Variants in PKHD1 observed in about 807,000 individuals in gnomAD.
PKHD1 encodes PKHD1 ciliary IPT domain containing fibrocystin/polyductin.
PKHD1 carries 291 observed loss-of-function variants against 412.0 expected under a neutral mutation model. The observed-to-expected ratio is 0.71, with a 90% CI of 0.64 to 0.78. The LOEUF (loss-of-function observed/expected upper bound fraction) is 0.78. PKHD1 is among the 30% of genes least tolerant of loss of function. PKHD1 has a pLI of 0.00. For synonymous variants in PKHD1, 1,777 were observed against 1,821.5 expected, an observed-to-expected ratio of 0.98 and a Z score of 0.62; for missense variants, 4,825 against 4,950.7, an observed-to-expected ratio of 0.97 and a Z score of 0.76.
At chr6:51,981,917 G>A (rs1466802087) in intron 35 of PKHD1, among the ~76,000 whole-genome samples, 2 of 90,856 alleles carry the variant, frequency 2.2e-5, no homozygotes, top group African/African-American at 6.1e-5. Flanking sequence ...AGTGAGGAGC[G>A]TCTCTGCCCG....
intron 35 of PKHD1, among the ~76,000 whole-genome samples, chr6:52,009,672 C>T (rs1191096337): frequency 1.3e-5 from 2 of 152,076 alleles, no homozygotes; most frequent in African/African-American, 2.4e-5. Flanking sequence ...TTGCAATTCT[C>T]GCAAATTCCC....
At chr6:51,749,103 A>T (rs1294210452) in intron 57 of PKHD1, among the ~76,000 whole-genome samples, 1 of 152,236 alleles carries the variant, frequency 6.6e-6, no homozygotes, top group Non-Finnish European at 1.5e-5. Context: ...TCCCAAGAAG[A>T]CACTGCACAA....
At chr6:52,057,631 G>T (rs1224597892) in intron 16 of PKHD1, among the ~76,000 whole-genome samples, 1 of 152,152 alleles carries the variant, frequency 6.6e-6, no homozygotes, top group African/African-American at 2.4e-5. Context: ...TGGCCAGGAT[G>T]GTCTCGATCA....
intron 35 of PKHD1, among the ~76,000 whole-genome samples, chr6:51,997,345 C>T (rs1189476809): frequency 6.6e-6 from 1 of 152,178 alleles, no homozygotes; most frequent in Non-Finnish European, 1.5e-5. Context: ...GCCAGTATAA[C>T]ATCTTTATCA....
At chr6:52,049,696 G>A (rs1020166152) in intron 22 of PKHD1, among the ~76,000 whole-genome samples, 2 of 152,174 alleles carry the variant, frequency 1.3e-5, no homozygotes, top group Admixed American at 1.3e-4. Flanking sequence ...CTGGTGGTGA[G>A]TTCTTAGAAA....
intron 49 of PKHD1, among the ~76,000 whole-genome samples, chr6:51,854,337 C>T (rs750846581): frequency 1.1e-4 from 17 of 152,074 alleles, no homozygotes; most frequent in Admixed American, 6.5e-4. Flanking sequence ...GGGGCACCAA[C>T]CTGATGCCAG....
At position 51,963,406 on chromosome 6, in the gene PKHD1, G is replaced by C. The variant is rs1403512044; in HGVS notation, c.5752-3380C>G. 2.0e-5 allele frequency among the ~76,000 whole-genome samples: 3 copies of C among 152,074 alleles called. No homozygotes were observed. The East Asian group carries it at 5.8e-4, about 29-fold the overall frequency. On this transcript the variant is annotated intron_variant, in intron 35 of 66. Coordinates refer to ENST00000371117, the MANE Select transcript of PKHD1 (RefSeq NM_138694.4). Reference sequence around the variant, plus strand: ...CCTTAGCATAACAAAGATATCTTGAGATGTATAAATGTTTATTGATGTACT... The same window carrying C: ...CCTTAGCATAACAAAGATATCTTGACATGTATAAATGTTTATTGATGTACT...
At chr6:52,013,983 C>T (rs976107186) in intron 34 of PKHD1, among the ~76,000 whole-genome samples, 1 of 152,242 alleles carries the variant, frequency 6.6e-6, no homozygotes, top group African/African-American at 2.4e-5. Flanking sequence ...ACTAAGCACA[C>T]TGCATCAGAA....
chr6:51,843,054 C>A (rs558330493), intron 50 of PKHD1, among the ~76,000 whole-genome samples: 1 of 152,300 alleles, frequency 6.6e-6, no homozygotes, highest in South Asian at 2.1e-4. Flanking sequence ...TTTTGATATG[C>A]TACATGCTCA....
chr6:51,879,049 A>G (rs1287064092), intron 46 of PKHD1, among the ~76,000 whole-genome samples: 4 of 89,230 alleles, frequency 4.5e-5, no homozygotes, highest in African/African-American at 1.0e-4. Flanking sequence ...TAGGAATCCA[A>G]CTTACAAGGG....
At chr6:51,831,699 G>A (rs1302921863) in intron 51 of PKHD1, among the ~76,000 whole-genome samples, 2 of 152,094 alleles carry the variant, frequency 1.3e-5, no homozygotes, top group East Asian at 3.9e-4. Context: ...TTAAAGGCGG[G>A]GTAATAATCT....
chr6:51,736,135 T>A (rs905457265), intron 60 of PKHD1, among the ~76,000 whole-genome samples: 1 of 152,056 alleles, frequency 6.6e-6, no homozygotes, highest in Non-Finnish European at 1.5e-5. Flanking sequence ...GCCAGAAATA[T>A]GGTGGACACT....
chr6:51,649,596 G>C (rs971936946), intron 61 of PKHD1, among the ~76,000 whole-genome samples: 2 of 152,112 alleles, frequency 1.3e-5, no homozygotes, highest in African/African-American at 2.4e-5. Flanking sequence ...CCAATAGTAA[G>C]CTATTAAATC....
intron 43 of PKHD1, among the ~76,000 whole-genome samples, chr6:51,902,961 C>G (rs901315500): frequency 6.6e-6 from 1 of 152,074 alleles, no homozygotes; most frequent in East Asian, 1.9e-4. Context: ...TCTTAAAGGA[C>G]AAAATATGGC....
intron 50 of PKHD1, among the ~76,000 whole-genome samples, chr6:51,843,450 A>C (rs1770585515): frequency 6.6e-6 from 1 of 152,230 alleles, no homozygotes. Context: ...GTAACTAAAA[A>C]ATAAAAATAG....
intron 33 of PKHD1, among the ~76,000 whole-genome samples, chr6:52,020,104 G>A (rs1307211351): frequency 2.0e-5 from 3 of 152,152 alleles, no homozygotes; most frequent in Non-Finnish European, 4.4e-5. Context: ...CTCAAAGCAC[G>A]GGTCAGAATT....
rs1192261511 is a variant in PKHD1 at position 51,943,493 on chromosome 6, T to G, written c.5909-9171A>C. The stretch of plus-strand genomic sequence containing the variant: ...ATAAATGCCCTGCTCTTGTTTACAC[T>G]GCCGGTTTACACTGTTTCTCCAAGC... On this transcript the variant is annotated intron_variant, in intron 36 of 66. Transcript: ENST00000371117. Among the ~76,000 whole-genome samples the G allele has an allele frequency of 1.3e-5, 2 of 151,504 alleles. 1 individual carries two copies. Among genetic ancestry groups the G allele is most frequent in the Non-Finnish European group, 3.0e-5 (2 of 67,762 alleles).
intron 50 of PKHD1, among the ~76,000 whole-genome samples, chr6:51,843,683 G>A (rs149583977): frequency 6.6e-5 from 10 of 152,256 alleles, no homozygotes; most frequent in African/African-American, 1.9e-4. Flanking sequence ...TGGGATACAC[G>A]ATAATAGTTC....
At chr6:51,789,739 A>G (rs1335549091) in intron 53 of PKHD1, among the ~76,000 whole-genome samples, 1 of 152,176 alleles carries the variant, frequency 6.6e-6, no homozygotes, top group African/African-American at 2.4e-5. Flanking sequence ...TAGACTAAAA[A>G]GAAATACTTA....
Sources: allele counts gnomAD v4.1 joint callset (sites outside exome capture counted in the v4.1 genomes callset), GRCh38; gene constraint gnomAD v4.1.1; transcripts MANE v1.5; gene names NCBI Gene and HGNC (gene_info 2026-07-23, HGNC 2026-07-21).